NLRC3: variants seen among roughly 807,000 people sequenced by gnomAD.
NLRC3 encodes NLR family CARD domain containing 3.
Under a neutral mutation model 91.6 loss-of-function variants are expected in NLRC3, and 87 were observed. The observed-to-expected ratio is 0.95, with a 90% CI of 0.80 to 1.14. NLRC3 has a LOEUF of 1.14. NLRC3 is among the 50% of genes most tolerant of loss of function. The pLI, the probability that NLRC3 is intolerant of heterozygous loss-of-function variation, is 0.00. For missense variants in NLRC3, 1,577 were observed against 1,418.6 expected (o/e 1.11, Z -1.79); for synonymous variants, 694 against 625.3 (o/e 1.11, Z -1.64).
At chr16:3,559,682 C>T (rs530049117) in intron 6 of NLRC3, among the ~76,000 whole-genome samples, 31 of 144,384 alleles carry the variant, frequency 2.1e-4, no homozygotes, top group Non-Finnish European at 3.8e-4. Flanking sequence ...TCTGTCACCT[C>T]GGCTGGAGTG....
chr16:3,539,671 C>G lies in NLRC3; in HGVS notation c.*2154G>C, dbSNP rs2038324207. 6.6e-6 allele frequency: 1 copy of G among 152,198 alleles called. No individual in the cohort carries two copies. The allele number at this position is 152,198 out of a possible 1,614,324, so 9.4% of individuals were successfully genotyped here. A position where few individuals can be genotyped will look rare whatever the true frequency, so the allele number is the denominator to read the frequency against. On this transcript the variant is annotated 3_prime_UTR_variant, in exon 20 of 20. Transcript: ENST00000359128. ...TGAAAGTACTAAAACAGCTGTCAATCTAGAAATCTCTGCCCCGCAAAAACT... is the reference window on the plus strand; with the variant it reads ...TGAAAGTACTAAAACAGCTGTCAATGTAGAAATCTCTGCCCCGCAAAAACT...
chr16:3,559,726 C>T (rs2039519553), intron 6 of NLRC3, among the ~76,000 whole-genome samples: 1 of 150,324 alleles, frequency 6.7e-6, no homozygotes, highest in Non-Finnish European at 1.5e-5. Flanking sequence ...GCAACTTCTG[C>T]CTCCCAGACT....
chr16:3,544,131 C>G (rs2038556376), intron 16 of NLRC3, 115 bp downstream of exon 16: 1 of 654,904 alleles, frequency 1.5e-6, no homozygotes, highest in African/African-American at 1.8e-5. Flanking sequence ...GCACTCCAGC[C>G]TGGGTGGCAG....
chr16:3,553,990 G>A (rs1401802893), intron 9 of NLRC3, among the ~76,000 whole-genome samples: 4 of 151,046 alleles, frequency 2.6e-5, no homozygotes, highest in South Asian at 4.2e-4. Context: ...CAAGTGATCC[G>A]CCTGCCTTGG....
chr16:3,568,968 T>C (rs953112114), intron 1 of NLRC3, among the ~76,000 whole-genome samples: 1 of 152,234 alleles, frequency 6.6e-6, no homozygotes, highest in Non-Finnish European at 1.5e-5. Flanking sequence ...ACATATTAAA[T>C]ATTCACATTG....
rs779074837 is a variant in NLRC3, at chr16:3,550,499, T to G, written c.2352-2A>C. ...TCACCAATACTATTACTGGAGAACC[T>G]GCAAGAGAAGGGATATGGATGAGCC... On this transcript the variant is annotated splice_acceptor_variant, in intron 10 of 19. Transcript: ENST00000359128. LOFTEE classifies it high-confidence loss of function. The G allele has an allele frequency of 2.9e-5, 46 of 1,609,146 alleles. No individual in the cohort carries two copies. The highest frequency in any genetic ancestry group is 3.7e-5 in the Non-Finnish European group (44 of 1,175,594).
intron 5 of NLRC3, 41 bp downstream of exon 5, chr16:3,562,968 C>T: frequency 6.6e-7 from 1 of 1,525,802 alleles, no homozygotes; most frequent in Non-Finnish European, 8.8e-7. Flanking sequence ...GCTCTCTCCT[C>T]TGCCCCTTCC....
At chr16:3,556,498 C>T (rs1489989883) in intron 8 of NLRC3, among the ~76,000 whole-genome samples, 2 of 151,924 alleles carry the variant, frequency 1.3e-5, no homozygotes, top group Non-Finnish European at 2.9e-5. Flanking sequence ...GTATCCCATG[C>T]CTGCCATCTT....
chr16:3,574,010 T>TA (rs1288415346), intron 1 of NLRC3, among the ~76,000 whole-genome samples: 1 of 94,076 alleles, frequency 1.1e-5, no homozygotes, highest in Non-Finnish European at 2.1e-5. Context: ...ATTTTATCTT[T>TA]TTTTTTTTTT....
intron 1 of NLRC3, among the ~76,000 whole-genome samples, chr16:3,571,480 G>C (rs1255936169): frequency 6.7e-6 from 1 of 150,288 alleles, no homozygotes; most frequent in Non-Finnish European, 1.5e-5. Flanking sequence ...GGAGGCTGAG[G>C]CTGCAGTGAG....
At chr16:3,570,391 T>G (rs1228134138) in intron 1 of NLRC3, among the ~76,000 whole-genome samples, 3 of 152,240 alleles carry the variant, frequency 2.0e-5, no homozygotes, top group African/African-American at 7.2e-5. Context: ...ATGGAGAGCC[T>G]GTTGTATGTT....
At chr16:3,553,653 T>C (rs1299900173) in intron 9 of NLRC3, among the ~76,000 whole-genome samples, 14 of 152,164 alleles carry the variant, frequency 9.2e-5, no homozygotes, top group East Asian at 1.9e-4. Flanking sequence ...TATCCAATAA[T>C]TGTTGTATTC....
chr16:3,544,295 A>G lies in NLRC3; in HGVS notation c.2806T>C (p.Cys936Arg), dbSNP rs1307566527. 1.2e-6 allele frequency: 2 copies of G among 1,613,600 alleles called. No homozygotes were observed. Among genetic ancestry groups the G allele is most frequent in the Admixed American group, 1.7e-5 (1 of 59,996 alleles). The stretch of plus-strand genomic sequence containing the variant: ...ACCTTCAGTGCACGGGCCACCGCAC[A>G]CGCTCCGTCATCCCCGATGGCGTTC... ...QENAIGDDGA[C>R]AVARALKVNT... The change falls in exon 16 of 20, where the codon TGT becomes CGT. Residue 936 changes from cysteine to arginine, a missense_variant. Physicochemically the swap from Cys to Arg is radical, Grantham distance 180. Transcript: ENST00000359128.
At position 3,557,695 on chromosome 16, in the gene NLRC3, A is replaced by C; in HGVS notation, c.2016-19T>G. On this transcript the variant is annotated intron_variant, in intron 6 of 19. Transcript: ENST00000359128. ...CGCCAAGCTGCCCAAGGAAAGGGAG[A>C]GGAGTGGTTATTTTAGGCATGCACA... 1.3e-6 allele frequency: 2 copies of C among 1,575,644 alleles called. No individual in the cohort carries two copies. Among genetic ancestry groups the C allele is most frequent in the Non-Finnish European group, 1.7e-6 (2 of 1,146,280 alleles).
chr16:3,570,684 G>T (rs2040068256), intron 1 of NLRC3, among the ~76,000 whole-genome samples: 1 of 152,180 alleles, frequency 6.6e-6, no homozygotes, highest in African/African-American at 2.4e-5. Flanking sequence ...GAGTCATGCA[G>T]AGAGCTAGGG....
At chr16:3,557,024 T>C in intron 7 of NLRC3, 30 bp from the exon 8 acceptor site, 2 of 1,473,026 alleles carry the variant, frequency 1.4e-6, no homozygotes, top group Non-Finnish European at 1.9e-6. Flanking sequence ...GACACCTCCT[T>C]CATCTGTCTC....
intron 1 of NLRC3, among the ~76,000 whole-genome samples, chr16:3,574,819 G>C (rs939824212): frequency 1.3e-5 from 2 of 152,072 alleles, no homozygotes; most frequent in African/African-American, 4.8e-5. Flanking sequence ...AACATTAGCT[G>C]GGCGTGGTGG....
intron 15 of NLRC3, among the ~76,000 whole-genome samples, chr16:3,546,738 G>A (rs540575623): frequency 1.4e-4 from 21 of 152,226 alleles, no homozygotes; most frequent in Non-Finnish European, 2.2e-4. Context: ...GGGTGTGGAC[G>A]CGCAGGTCTA....
intron 19 of NLRC3, 25 bp downstream of exon 19, chr16:3,542,166 G>T: frequency 4.0e-6 from 6 of 1,505,294 alleles, no homozygotes; most frequent in Non-Finnish European, 4.5e-6. Flanking sequence ...TTCTAAGGGT[G>T]AGCAGGAAGG....
Sources: gnomAD v4.1 joint callset for allele counts (sites outside exome capture counted in the v4.1 genomes callset) on GRCh38, gnomAD v4.1.1 for gene constraint, MANE v1.5 for transcripts, NCBI Gene and HGNC (gene_info 2026-07-23, HGNC 2026-07-21) for gene names.